Variants in SPOCK3 observed in about 807,000 individuals in gnomAD.
SPOCK3 encodes the protein testican-3.
Under a neutral mutation model 56.6 loss-of-function variants are expected in SPOCK3, and 30 were observed. The observed-to-expected ratio is 0.53, with a 90% CI of 0.40 to 0.72. SPOCK3 has a LOEUF of 0.72. Among genes scored for constraint, SPOCK3 ranks in the 30% least tolerant of loss-of-function variants. The probability of loss-of-function intolerance (pLI) is 0.00; values close to 1 mark genes in which losing one functional copy is unlikely to be tolerated. For synonymous variants in SPOCK3, 196 were observed against 183.3 expected (o/e 1.07, Z -0.56); for missense variants, 527 against 530.0 (o/e 0.99, Z 0.06).
chr4:166,788,809 A>C (rs2126643128), intron 7 of SPOCK3, among the ~76,000 whole-genome samples: 1 of 152,088 alleles, frequency 6.6e-6, no homozygotes, highest in African/African-American at 2.4e-5. Context: ...TCATCCTAAA[A>C]ATGTGTAAAA....
chr4:167,060,179 T>C (rs1755435501), intron 3 of SPOCK3, among the ~76,000 whole-genome samples: 1 of 145,120 alleles, frequency 6.9e-6, no homozygotes, highest in African/African-American at 2.5e-5. Context: ...AGAAAGAAAA[T>C]GAAGGACTTG....
intron 2 of SPOCK3, among the ~76,000 whole-genome samples, chr4:167,100,830 T>C (rs1161292485): frequency 6.6e-6 from 1 of 152,120 alleles, no homozygotes; most frequent in East Asian, 1.9e-4. Context: ...ACTTGCACAT[T>C]CTAGAATATA....
intron 2 of SPOCK3, among the ~76,000 whole-genome samples, chr4:167,163,945 TAGA>T (rs1765537246): frequency 1.3e-5 from 2 of 152,144 alleles, no homozygotes; most frequent in African/African-American, 4.8e-5. Flanking sequence ...TATAGTCTAT[TAGA>T]AGAAAAGTCT....
chr4:167,146,281 C>A (rs1407011936), intron 2 of SPOCK3, among the ~76,000 whole-genome samples: 1 of 152,024 alleles, frequency 6.6e-6, no homozygotes, highest in Non-Finnish European at 1.5e-5. Context: ...TATATATGCA[C>A]CCAATACATG....
At chr4:166,904,348 A>T (rs1198033680) in intron 5 of SPOCK3, among the ~76,000 whole-genome samples, 1 of 152,066 alleles carries the variant, frequency 6.6e-6, no homozygotes, top group Admixed American at 6.6e-5. Context: ...ATTAATTTAG[A>T]ATACTTATTA....
intron 4 of SPOCK3, among the ~76,000 whole-genome samples, chr4:166,944,494 A>C (rs565473754): frequency 1.3e-5 from 2 of 152,102 alleles, no homozygotes; most frequent in Non-Finnish European, 2.9e-5. Flanking sequence ...CACTTTTTTT[A>C]ATGACCCCTT....
chr4:167,138,362 T>C (rs1763279463), intron 2 of SPOCK3, among the ~76,000 whole-genome samples: 2 of 152,068 alleles, frequency 1.3e-5, no homozygotes, highest in South Asian at 2.1e-4. Context: ...ATTCTTATTA[T>C]TTCATAATTG....
intron 4 of SPOCK3, among the ~76,000 whole-genome samples, chr4:166,927,924 T>G (rs1455730201): frequency 1.3e-5 from 2 of 152,112 alleles, no homozygotes; most frequent in Non-Finnish European, 2.9e-5. Flanking sequence ...CCAAAGACCT[T>G]GATAGACACC....
chr4:166,822,054 TTCTG>T (rs896657577), intron 6 of SPOCK3, among the ~76,000 whole-genome samples: 2 of 151,990 alleles, frequency 1.3e-5, no homozygotes, highest in Non-Finnish European at 2.9e-5. Flanking sequence ...CTGGAAATAT[TTCTG>T]TCTTTTTTTA....
At chr4:167,179,586 T>G (rs549955714) in intron 2 of SPOCK3, among the ~76,000 whole-genome samples, 47 of 152,314 alleles carry the variant, frequency 3.1e-4, no homozygotes, top group African/African-American at 9.9e-4. Flanking sequence ...TATGGGTTTC[T>G]TACAATCTTA....
chr4:167,075,244 T>G (rs1757074218), intron 2 of SPOCK3, among the ~76,000 whole-genome samples: 1 of 151,712 alleles, frequency 6.6e-6, no homozygotes, highest in African/African-American at 2.4e-5. Flanking sequence ...AAAATTGAAA[T>G]GAAAAAAAGA....
At chr4:166,860,835 A>AT (rs1342260275) in intron 6 of SPOCK3, among the ~76,000 whole-genome samples, 1 of 119,814 alleles carries the variant, frequency 8.3e-6, no homozygotes, top group African/African-American at 3.6e-5. Context: ...ATATATGCAT[A>AT]AAATATAACT....
chr4:167,102,004 C>T (rs1268387264), intron 2 of SPOCK3, among the ~76,000 whole-genome samples: 1 of 149,082 alleles, frequency 6.7e-6, no homozygotes, highest in Non-Finnish European at 1.5e-5. Context: ...GGCCCTCTTA[C>T]TTTTTTTTTT....
Position 167,000,447 on chromosome 4 carries a change from C to A in SPOCK3, c.252G>T (p.Lys84Asn). 1 of 1,587,088 alleles carries A rather than the reference C, an allele frequency of 6.3e-7. No individual in the cohort carries two copies. Among genetic ancestry groups the A allele is most frequent in the Admixed American group, 1.8e-5 (1 of 56,636 alleles). ...KPFDQALDPA[K>N]DPCLKMKCSR... ...TACATTTCATCTTTAAGCATGGATCCTTAGCTGGATCTAAAGCTAAAAAAA... is the reference window on the plus strand; with the variant it reads ...TACATTTCATCTTTAAGCATGGATCATTAGCTGGATCTAAAGCTAAAAAAA... The change falls in exon 4 of 11, where the codon AAG (lysine) becomes AAT (asparagine). Residue 84 changes from lysine to asparagine, a missense_variant. Transcript: ENST00000357545.
intron 4 of SPOCK3, among the ~76,000 whole-genome samples, chr4:166,917,172 C>G (rs1737950971): frequency 6.6e-6 from 1 of 152,088 alleles, no homozygotes; most frequent in South Asian, 2.1e-4. Context: ...ATTACAATGT[C>G]AAGAAACAAG....
At chr4:166,863,742 A>C (rs918563463) in intron 6 of SPOCK3, among the ~76,000 whole-genome samples, 3 of 152,144 alleles carry the variant, frequency 2.0e-5, no homozygotes, top group Admixed American at 2.0e-4. Context: ...TAACTATCCT[A>C]AATATATATG....
intron 2 of SPOCK3, among the ~76,000 whole-genome samples, chr4:167,225,729 T>G (rs1736529468): frequency 6.6e-6 from 1 of 152,054 alleles, no homozygotes; most frequent in Non-Finnish European, 1.5e-5. Context: ...TATGATTCAG[T>G]TAAGAAGTTC....
chr4:167,200,070 A>G (rs966099948), intron 2 of SPOCK3, among the ~76,000 whole-genome samples: 1 of 152,116 alleles, frequency 6.6e-6, no homozygotes, highest in African/African-American at 2.4e-5. Flanking sequence ...GAATTTCTCC[A>G]GAAGGGAAAC....
chr4:166,841,086 T>A (rs1747245016), intron 6 of SPOCK3, among the ~76,000 whole-genome samples: 1 of 134,864 alleles, frequency 7.4e-6, no homozygotes, highest in Admixed American at 7.2e-5. Context: ...CCCGCAGAAG[T>A]TTTTTTTTAC....
Sources: gnomAD v4.1 joint callset for allele counts (sites outside exome capture counted in the v4.1 genomes callset) on GRCh38, gnomAD v4.1.1 for gene constraint, MANE v1.5 for transcripts, NCBI Gene and HGNC (gene_info 2026-07-23, HGNC 2026-07-21) for gene names.